BCL2: variants seen among roughly 807,000 people sequenced by gnomAD.
BCL2 encodes the protein BCL2 apoptosis regulator.
Under a neutral mutation model 14.2 loss-of-function variants are expected in BCL2, and 1 was observed. The ratio of observed to expected loss-of-function variants is 0.07; its 90% CI spans 0.02 to 0.33. The LOEUF (loss-of-function observed/expected upper bound fraction) is 0.33. Among genes scored for constraint, BCL2 ranks in the 10% least tolerant of loss-of-function variants. BCL2 has a pLI of 0.99. For synonymous variants in BCL2, 151 were observed against 137.2 expected (o/e 1.10, Z -0.70); for missense variants, 247 against 305.9 (o/e 0.81, Z 1.44).
chr18:63,146,068 C>T (rs2144602546), intron 2 of BCL2, among the ~76,000 whole-genome samples: 1 of 152,262 alleles, frequency 6.6e-6, no homozygotes, highest in African/African-American at 2.4e-5. Context: ...TTCTCCTTCA[C>T]TTTGTCCTTT....
chr18:63,157,084 T>C (rs1298010375), intron 2 of BCL2, among the ~76,000 whole-genome samples: 1 of 152,210 alleles, frequency 6.6e-6, no homozygotes, highest in African/African-American at 2.4e-5. Context: ...TAATTGTGGG[T>C]CTGACAAATA....
At chr18:63,183,566 G>C (rs931402306) in intron 2 of BCL2, among the ~76,000 whole-genome samples, 2 of 152,186 alleles carry the variant, frequency 1.3e-5, no homozygotes, top group African/African-American at 4.8e-5. Context: ...GAGGGCCAAA[G>C]CAGCCTCTAG....
At chr18:63,287,391 G>A (rs1301285386) in intron 2 of BCL2, among the ~76,000 whole-genome samples, 1 of 152,166 alleles carries the variant, frequency 6.6e-6, no homozygotes, top group Non-Finnish European at 1.5e-5. Flanking sequence ...GGATGGGCTG[G>A]GAACAGGTGC....
chr18:63,162,747 A>G (rs1599217513), intron 2 of BCL2, among the ~76,000 whole-genome samples: 1 of 152,284 alleles, frequency 6.6e-6, no homozygotes, highest in East Asian at 1.9e-4. Flanking sequence ...TCCAAGGAAG[A>G]CACCAGAGCC....
chr18:63,284,282 G>A lies in BCL2; in HGVS notation c.585+33800C>T, dbSNP rs956137896. ...TAGAAGAAGGTAGACAGGACTGACT[G>A]GGAGCGCATCATCAACCACCTCTGC... On this transcript the variant is annotated intron_variant, in intron 2 of 2. Coordinates refer to ENST00000333681, the MANE Select transcript of BCL2 (RefSeq NM_000633.3). 5.9e-5 allele frequency among the ~76,000 whole-genome samples: 9 copies of A among 152,276 alleles called. No homozygotes were observed. In the South Asian group the frequency reaches 6.2e-4, roughly 11 times the overall value.
chr18:63,273,857 G>C (rs562220289), intron 2 of BCL2, among the ~76,000 whole-genome samples: 2 of 152,284 alleles, frequency 1.3e-5, no homozygotes, highest in African/African-American at 4.8e-5. Flanking sequence ...TTGTTGCTTG[G>C]TCTTTACAAG....
rs916991355 is a variant in BCL2 at position 63,149,885 on chromosome 18, A to G, written c.586-21126T>C. ...TATTTATTTATTTATTTATTTATTTATTTATTTTGAGACAGCGTCTCCCTC... is the reference window on the plus strand; with the variant it reads ...TATTTATTTATTTATTTATTTATTTGTTTATTTTGAGACAGCGTCTCCCTC... On this transcript the variant is annotated intron_variant, in intron 2 of 2. Coordinates refer to ENST00000333681, the MANE Select transcript of BCL2 (RefSeq NM_000633.3). This position sits in a 1 kb window ranked among gnomAD's most constrained non-coding sequence, Gnocchi z 4.2. 6.7e-6 allele frequency among the ~76,000 whole-genome samples: 1 copy of G among 148,550 alleles called. No homozygotes were observed. The highest frequency in any genetic ancestry group is 1.5e-5 in the Non-Finnish European group (1 of 67,302).
At chr18:63,308,753 GACACAC>G (rs145547473) in intron 2 of BCL2, among the ~76,000 whole-genome samples, 122 of 149,674 alleles carry the variant, frequency 8.2e-4, no homozygotes, top group African/African-American at 1.4e-3. Context: ...GGACATTTCA[GACACAC>G]ACACACACAC....
intron 2 of BCL2, among the ~76,000 whole-genome samples, chr18:63,312,175 C>T (rs779925109): frequency 7.2e-5 from 11 of 152,166 alleles, no homozygotes; most frequent in Admixed American, 3.9e-4. Flanking sequence ...AGTATCTAAG[C>T]GCATTACGGT....
chr18:63,220,974 T>C (rs1599253591), intron 2 of BCL2, among the ~76,000 whole-genome samples: 2 of 151,672 alleles, frequency 1.3e-5, no homozygotes, highest in Admixed American at 6.5e-5. Flanking sequence ...ACAAATGGTA[T>C]ATGTGGCTTT....
chr18:63,142,601 G>A (rs1250944145), intron 2 of BCL2, among the ~76,000 whole-genome samples: 1 of 152,136 alleles, frequency 6.6e-6, no homozygotes, highest in Non-Finnish European at 1.5e-5. Context: ...CAGCTCAATG[G>A]GTCATTCTGT....
intron 1 of BCL2, 68 bp from the exon 2 acceptor site, chr18:63,319,020 T>TG: frequency 8.6e-7 from 1 of 1,161,840 alleles, no homozygotes; most frequent in South Asian, 2.8e-5. Flanking sequence ...ACACACTGAG[T>TG]GAAAGCAGGG....
chr18:63,240,318 T>C (rs60963404), intron 2 of BCL2, among the ~76,000 whole-genome samples: 3 of 141,998 alleles, frequency 2.1e-5, no homozygotes, highest in Non-Finnish European at 3.2e-5. Context: ...ACTTGATATT[T>C]GAGGGTTTCC....
intron 2 of BCL2, among the ~76,000 whole-genome samples, chr18:63,211,888 C>T (rs574630992): frequency 4.2e-4 from 64 of 152,206 alleles, no homozygotes; most frequent in Non-Finnish European, 6.5e-4. Flanking sequence ...CTGTCCTGGT[C>T]CTGGCACAGG....
rs551554937 is a variant in BCL2 at position 63,212,231 on chromosome 18, CG to C, written c.586-83473del. 1.4e-3 allele frequency among the ~76,000 whole-genome samples: 205 copies of C among 151,356 alleles called. 1 individual carries two copies. Among genetic ancestry groups the C allele is most frequent in the South Asian group, 2.7e-3 (13 of 4,804 alleles). On this transcript the variant is annotated intron_variant, in intron 2 of 2. Transcript: ENST00000333681. ...GTCCCAGCTACTCGGGAGGCTGAGG[CG>C]AGACAGAATTGCTTGAACCCAGGAG...
chr18:63,210,898 T>C (rs1264234653), intron 2 of BCL2, among the ~76,000 whole-genome samples: 2 of 152,130 alleles, frequency 1.3e-5, no homozygotes, highest in Non-Finnish European at 2.9e-5. Context: ...CTCATTGTTC[T>C]GTGACCCACT....
rs186825796 is a variant in BCL2, at chr18:63,303,491, T to C, written c.585+14591A>G. ...TTCCTAAAGAACCCAAAAGGTCACA[T>C]GCATAAAGTTGTTCTTTTGTAATAT... is the stretch of plus-strand genomic sequence containing the variant. On this transcript the variant is annotated intron_variant, in intron 2 of 2. Transcript: ENST00000333681. Among the ~76,000 whole-genome samples, 15 of 152,346 alleles carry C rather than the reference T, an allele frequency of 9.8e-5. No homozygotes were observed. The East Asian group carries it at 2.7e-3, about 27-fold the overall frequency.
intron 2 of BCL2, among the ~76,000 whole-genome samples, chr18:63,252,485 C>T (rs921539655): frequency 6.6e-6 from 1 of 152,202 alleles, no homozygotes; most frequent in African/African-American, 2.4e-5. Context: ...TTCCCACATG[C>T]TGTGGGAGGA....
At chr18:63,137,891 GGAGACGACC>G (rs1219734679) in intron 2 of BCL2, among the ~76,000 whole-genome samples, 3 of 152,310 alleles carry the variant, frequency 2.0e-5, no homozygotes, top group Non-Finnish European at 2.9e-5. Flanking sequence ...GCAGGGCAGG[GGAGACGACC>G]AGAGGTCAAA....
Sources: gnomAD v4.1 joint callset for allele counts (sites outside exome capture counted in the v4.1 genomes callset) on GRCh38, gnomAD v4.1.1 for gene constraint, Gnocchi (gnomAD v3.1) non-coding constraint, MANE v1.5 for transcripts, NCBI Gene and HGNC (gene_info 2026-07-23, HGNC 2026-07-21) for gene names.